CHRM3: variants seen among roughly 807,000 people sequenced by gnomAD.
The protein encoded by CHRM3 is cholinergic receptor muscarinic 3, also known as muscarinic acetylcholine receptor M3.
A neutral mutation model predicts 41.8 loss-of-function variants in CHRM3; 11 were observed. The ratio of observed to expected loss-of-function variants is 0.26; its 90% confidence interval spans 0.17 to 0.44. The LOEUF is 0.44. Ranked by LOEUF, CHRM3 falls within the 20% of genes least tolerant of loss-of-function variation. The pLI is 1.00. For synonymous variants in CHRM3, 297 were observed against 301.4 expected (o/e 0.99, Z 0.15); for missense variants, 571 against 745.4 (o/e 0.77, Z 2.72).
chr1:239,595,459 A>AT (rs1664676118), intron 3 of CHRM3, among the ~76,000 whole-genome samples: 1 of 152,116 alleles, frequency 6.6e-6, no homozygotes, highest in Admixed American at 6.5e-5. Flanking sequence ...CTAGATCTCT[A>AT]TTTTTTAAGT....
At chr1:239,481,102 G>A (rs1021644410) in intron 1 of CHRM3, among the ~76,000 whole-genome samples, 2 of 152,154 alleles carry the variant, frequency 1.3e-5, no homozygotes, top group Non-Finnish European at 2.9e-5. Context: ...AAATAGAATG[G>A]GGTACATACA....
At chr1:239,532,056 A>G (rs1449230625) in intron 2 of CHRM3, among the ~76,000 whole-genome samples, 21 of 106,156 alleles carry the variant, frequency 2.0e-4, no homozygotes, top group Admixed American at 4.3e-4. Context: ...CCTGTCTCCC[A>G]GGCTGGAGTG....
intron 1 of CHRM3, among the ~76,000 whole-genome samples, chr1:239,388,677 C>T (rs1658751608): frequency 1.3e-5 from 2 of 152,108 alleles, no homozygotes; most frequent in African/African-American, 4.8e-5. Flanking sequence ...ATTTCTGTTC[C>T]AAATATTGTG....
chr1:239,785,938 C>G (rs997092146), intron 5 of CHRM3, among the ~76,000 whole-genome samples: 10 of 152,096 alleles, frequency 6.6e-5, no homozygotes, highest in African/African-American at 2.4e-4. Flanking sequence ...ATTCTGTCCT[C>G]TGTGTGTGTA....
At chr1:239,620,828 G>T (rs1398570679) in intron 3 of CHRM3, among the ~76,000 whole-genome samples, 1 of 152,110 alleles carries the variant, frequency 6.6e-6, no homozygotes, top group Admixed American at 6.6e-5. Flanking sequence ...TAGATTCACA[G>T]GCATTGATGA....
At chr1:239,499,694 G>A (rs950025359) in intron 2 of CHRM3, among the ~76,000 whole-genome samples, 1 of 152,086 alleles carries the variant, frequency 6.6e-6, no homozygotes, top group Non-Finnish European at 1.5e-5. Flanking sequence ...AAGTTAAGAC[G>A]AAGGAAAGTA....
At position 239,493,929 on chromosome 1, in the gene CHRM3, G is replaced by C. The variant is rs149597026; in HGVS notation, c.-422+1122G>C. Reference sequence around the variant, plus strand: ...GAATTCACCAGGAAAGAATTCAAGGGTGAGCCAGTAATATGAGACAGCAAT... The same window carrying C: ...GAATTCACCAGGAAAGAATTCAAGGCTGAGCCAGTAATATGAGACAGCAAT... On this transcript the variant is annotated intron_variant, in intron 2 of 6. Transcript: ENST00000676153. Among the ~76,000 whole-genome samples the C allele has an allele frequency of 5.9e-5, 9 of 152,222 alleles. 1 individual carries two copies. Among genetic ancestry groups the C allele is most frequent in the African/African-American group, 2.2e-4 (9 of 41,534 alleles).
chr1:239,639,894 G>A (rs559539238), intron 4 of CHRM3, among the ~76,000 whole-genome samples: 2 of 147,540 alleles, frequency 1.4e-5, no homozygotes, highest in African/African-American at 5.0e-5. Context: ...GATATTGGCT[G>A]TGGGTTTGTC....
At chr1:239,575,192 C>T (rs1400486963) in intron 3 of CHRM3, among the ~76,000 whole-genome samples, 1 of 152,080 alleles carries the variant, frequency 6.6e-6, no homozygotes, top group African/African-American at 2.4e-5. Flanking sequence ...GTAAGTTTCT[C>T]TTTTTGTAAA....
chr1:239,890,526 A>G (rs1678465692), intron 6 of CHRM3, among the ~76,000 whole-genome samples: 1 of 152,160 alleles, frequency 6.6e-6, no homozygotes, highest in Non-Finnish European at 1.5e-5. Flanking sequence ...GAATTACTGA[A>G]TTATTATAAG....
chr1:239,789,152 C>T (rs561414912), intron 5 of CHRM3, among the ~76,000 whole-genome samples: 62 of 152,184 alleles, frequency 4.1e-4, no homozygotes, highest in African/African-American at 1.4e-3. Context: ...GAGAAAAGAG[C>T]ATGTGAGATG....
rs777550736 is a variant in CHRM3 at position 239,908,699 on chromosome 1, T to C, written c.1248T>C (p.Asp416=). 1.9e-6 allele frequency: 3 copies of C among 1,613,098 alleles called. No homozygotes were observed. The highest frequency in any genetic ancestry group is 8.5e-7 in the Non-Finnish European group (1 of 1,179,604). The change falls in exon 7 of 7, where the codon GAT becomes GAC. Residue 416 remains aspartate, a synonymous_variant. Transcript: ENST00000676153. The surrounding 1 kb of genome is among the most constrained non-coding windows in gnomAD (Gnocchi z 7.2). ...DKLQAQKSVD[D]GGSFPKSFSK... The stretch of plus-strand genomic sequence containing the variant: ...TGCAGGCCCAGAAGAGCGTGGACGA[T>C]GGAGGCAGTTTTCCAAAAAGCTTCT...
At chr1:239,886,846 G>A (rs945885066) in intron 6 of CHRM3, among the ~76,000 whole-genome samples, 2 of 152,112 alleles carry the variant, frequency 1.3e-5, no homozygotes, top group Non-Finnish European at 2.9e-5. Context: ...ACCACGTTTT[G>A]CCAGATACTT....
At chr1:239,750,511 T>A (rs1214222414) in intron 5 of CHRM3, among the ~76,000 whole-genome samples, 1 of 152,228 alleles carries the variant, frequency 6.6e-6, no homozygotes, top group Non-Finnish European at 1.5e-5. Context: ...AAGTTTAGCC[T>A]AAAGCTGCCT....
intron 4 of CHRM3, among the ~76,000 whole-genome samples, chr1:239,659,576 G>A (rs906101422): frequency 6.6e-6 from 1 of 152,200 alleles, no homozygotes; most frequent in Non-Finnish European, 1.5e-5. Flanking sequence ...CTTGAAATGC[G>A]ACTAGTGGCA....
intron 4 of CHRM3, among the ~76,000 whole-genome samples, chr1:239,634,326 CGAGA>C (rs1261680874): frequency 7.8e-6 from 1 of 127,522 alleles, no homozygotes; most frequent in Non-Finnish European, 1.6e-5. Context: ...ATAACAGAAA[CGAGA>C]GAGAGAGAGA....
intron 3 of CHRM3, among the ~76,000 whole-genome samples, chr1:239,566,674 T>TC (rs749628044): frequency 7.7e-4 from 117 of 152,334 alleles, no homozygotes; most frequent in Non-Finnish European, 2.9e-4. Context: ...TGTGAAGAAT[T>TC]CTACACATAT....
chr1:239,851,249 T>C (rs1268395226), intron 6 of CHRM3, among the ~76,000 whole-genome samples: 2 of 152,176 alleles, frequency 1.3e-5, no homozygotes, highest in Admixed American at 6.6e-5. Flanking sequence ...CAATCTGGTG[T>C]TTTTTAAATT....
chr1:239,517,986 G>T (rs1316628028), intron 2 of CHRM3, among the ~76,000 whole-genome samples: 2 of 151,994 alleles, frequency 1.3e-5, no homozygotes, highest in Non-Finnish European at 2.9e-5. Context: ...CGTGCCTGTA[G>T]TCCCAGCTAC....
Sources: gnomAD v4.1 joint callset for allele counts (sites outside exome capture counted in the v4.1 genomes callset) on GRCh38, gnomAD v4.1.1 for gene constraint, Gnocchi (gnomAD v3.1) non-coding constraint, MANE v1.5 for transcripts, NCBI Gene and HGNC (gene_info 2026-07-23, HGNC 2026-07-21) for gene names.